ZNF528: variants seen among roughly 807,000 people sequenced by gnomAD.
The protein encoded by ZNF528 is zinc finger protein 528.
In ZNF528, 9 loss-of-function variants were observed where a neutral mutation model predicts 13.3. That is an observed-to-expected ratio of 0.67 (90% CI 0.41 to 1.18). The LOEUF (loss-of-function observed/expected upper bound fraction) is 1.18, where lower values mean the gene tolerates loss of function less well. ZNF528 is among the 50% of genes most tolerant of loss of function. ZNF528 has a pLI of 0.01. For synonymous variants in ZNF528, 264 were observed against 254.3 expected (o/e 1.04, Z -0.36); for missense variants, 858 against 745.4 (o/e 1.15, Z -1.76).
chr19:52,409,637 A>G (rs933071717), intron 6 of ZNF528, among the ~76,000 whole-genome samples: 5 of 151,948 alleles, frequency 3.3e-5, no homozygotes, highest in Admixed American at 1.3e-4. Flanking sequence ...GTTTATTTCA[A>G]TGTCCTTATG....
At position 52,415,418 on chromosome 19, in the gene ZNF528, A is replaced by G; in HGVS notation, c.566A>G (p.Asn189Ser). The change falls in exon 7 of 7, where the codon AAT becomes AGT. Residue 189 changes from asparagine (N) to serine (S), a missense_variant. By Grantham distance (46) the Asn-to-Ser change is conservative. Transcript: ENST00000360465. Reference sequence around the variant, plus strand: ...ATTAGGGAAAAAGCTTATAAATGTAATGAGCACGGCCAAGTCTTTAGAGCA... The same window carrying G: ...ATTAGGGAAAAAGCTTATAAATGTAGTGAGCACGGCCAAGTCTTTAGAGCA... The part of the protein sequence containing the change: ...AHIREKAYKC[N>S]EHGQVFRASA... The G allele has an allele frequency of 1.2e-6, 2 of 1,614,226 alleles. No homozygotes were observed. Among genetic ancestry groups the G allele is most frequent in the Non-Finnish European group, 1.7e-6 (2 of 1,180,044 alleles).
At chr19:52,403,253 G>A (rs1365844134) in intron 4 of ZNF528, among the ~76,000 whole-genome samples, 1 of 152,210 alleles carries the variant, frequency 6.6e-6, no homozygotes, top group Non-Finnish European at 1.5e-5. Context: ...ATCCTTTGAT[G>A]CCAGGAGTTC....
chr19:52,415,782 A>C lies in ZNF528; in HGVS notation c.930A>C (p.Ala310=). Residue 310 remains alanine (A), a synonymous_variant, in exon 7 of 7, where the codon GCA becomes GCC. Coordinates refer to ENST00000360465, the MANE Select transcript of ZNF528 (RefSeq NM_032423.3). The part of the protein sequence containing the change: ...HECDKVFNQI[A]HLVRHQKIHT... ...GTGACAAGGTCTTCAATCAAATTGC[A>C]CACCTTGTACGACATCAAAAAATTC... 6.2e-7 allele frequency: 1 copy of C among 1,614,066 alleles called. No individual in the cohort carries two copies. Among genetic ancestry groups the C allele is most frequent in the Non-Finnish European group, 8.5e-7 (1 of 1,180,022 alleles).
At position 52,404,955 on chromosome 19, in the gene ZNF528, C is replaced by A. The variant is rs113364183; in HGVS notation, c.16-952C>A. Among the ~76,000 whole-genome samples the A allele has an allele frequency of 5.7e-3, 867 of 151,852 alleles. 7 individuals carry two copies. Among genetic ancestry groups the A allele is most frequent in the African/African-American group, 0.02 (836 of 41,472 alleles). ...GGTTGGGGCCGGGCACAGTGGCTTA[C>A]GCCTGTAATCCCAGCACTTTAGGAG... On this transcript the variant is annotated intron_variant, in intron 4 of 6. Coordinates refer to ENST00000360465, the MANE Select transcript of ZNF528 (RefSeq NM_032423.3).
At chr19:52,403,684 CAGTG>C (rs927401164) in intron 4 of ZNF528, among the ~76,000 whole-genome samples, 6 of 130,690 alleles carry the variant, frequency 4.6e-5, no homozygotes, top group African/African-American at 1.4e-4. Context: ...AAAAAAAAGT[CAGTG>C]AGAGACAACT....
intron 6 of ZNF528, chr19:52,413,082 C>T (rs1266376516): frequency 1.3e-5 from 2 of 152,206 alleles, no homozygotes; most frequent in African/African-American, 4.8e-5. Context: ...AGAAATTGTG[C>T]ATAGGGCTCC....
At position 52,402,042 on chromosome 19, in the gene ZNF528, C is replaced by T; in HGVS notation, c.15+14C>T. 6.2e-7 allele frequency: 1 copy of T among 1,614,146 alleles called. No homozygotes were observed. The highest frequency in any genetic ancestry group is 8.5e-7 in the Non-Finnish European group (1 of 1,180,010). ...GCCCTTACTCAGGTAAGGTAATGTTCTCAGTGGATTGTTCTGTCTCTGTTT... is the reference window on the plus strand; with the variant it reads ...GCCCTTACTCAGGTAAGGTAATGTTTTCAGTGGATTGTTCTGTCTCTGTTT... On this transcript the variant is annotated intron_variant, in intron 4 of 6. Transcript: ENST00000360465.
At position 52,417,300 on chromosome 19, in the gene ZNF528, GA is replaced by G; in HGVS notation, c.*563del. The G allele has an allele frequency of 4.0e-6, 1 of 251,124 alleles. No homozygotes were observed. Among genetic ancestry groups the G allele is most frequent in the South Asian group, 4.5e-5 (1 of 22,036 alleles). 15.6% of individuals were successfully genotyped at this position (251,124 alleles called of 1,614,324 possible). A position where few individuals can be genotyped will look rare whatever the true frequency, so the allele number is the denominator to read the frequency against. On this transcript the variant is annotated 3_prime_UTR_variant, in exon 7 of 7. Transcript: ENST00000360465. ...GATTATTTCTATCCAATTTCCTGATGAAGGACATTGCCTTTTGAGATTAAAT... is the reference window on the plus strand; with the variant it reads ...GATTATTTCTATCCAATTTCCTGATGAGGACATTGCCTTTTGAGATTAAAT...
rs2058984021 is a variant in ZNF528 at position 52,415,191 on chromosome 19, T to A, written c.339T>A (p.Phe113Leu). ...GTAAAAATCAACTTGGATTCACTTT[T>A]CAGTTACATCTGAGTGATCTACAGC... Reference protein sequence around the residue: ...KPCKNQLGFTFQLHLSDLQLF... With the variant: ...KPCKNQLGFTLQLHLSDLQLF... The change falls in exon 7 of 7, where the codon TTT (phenylalanine) becomes TTA (leucine). Residue 113 changes from phenylalanine (F) to leucine (L), a missense_variant. Phe to Leu is a conservative substitution (Grantham distance 22). Coordinates refer to ENST00000360465, the MANE Select transcript of ZNF528 (RefSeq NM_032423.3). The A allele has an allele frequency of 6.2e-7, 1 of 1,612,434 alleles. No homozygotes were observed. The highest frequency in any genetic ancestry group is 8.5e-7 in the Non-Finnish European group (1 of 1,179,292).
rs1030777920 is a variant in ZNF528, at chr19:52,406,049, C to G, written c.142+16C>G. On this transcript the variant is annotated intron_variant, in intron 5 of 6. Coordinates refer to ENST00000360465, the MANE Select transcript of ZNF528 (RefSeq NM_032423.3). ...GTCTCCCTGGGTGAGGATAATGTCC[C>G]CTCAGAAGCCGGGATCTGCCCTGGT... The G allele has an allele frequency of 6.2e-7, 1 of 1,606,576 alleles. No homozygotes were observed. Among genetic ancestry groups the G allele is most frequent in the African/African-American group, 1.3e-5 (1 of 74,540 alleles).
At position 52,416,930 on chromosome 19, in the gene ZNF528, T is replaced by C; in HGVS notation, c.*191T>C. On this transcript the variant is annotated 3_prime_UTR_variant, in exon 7 of 7. Transcript: ENST00000360465. ...AAGCACACAGATGAATTGTGTGTAC[T>C]TGGGCTATTATTCAAGGACCATTGC... The C allele has an allele frequency of 3.4e-6, 2 of 591,914 alleles. No homozygotes were observed. Among genetic ancestry groups the C allele is most frequent in the Non-Finnish European group, 5.8e-6 (2 of 344,626 alleles). 36.7% of individuals were successfully genotyped at this position (591,914 alleles called of 1,614,324 possible). A position where few individuals can be genotyped will look rare whatever the true frequency, so the allele number is the denominator to read the frequency against.
At chr19:52,401,794 C>T in intron 3 of ZNF528, 41 bp downstream of exon 3, 3 of 1,454,684 alleles carry the variant, frequency 2.1e-6, no homozygotes, top group Non-Finnish European at 2.7e-6. Flanking sequence ...AAATTATTAA[C>T]ATCTGCTTGC....
In ZNF528 at chr19:52,415,696, T is replaced by C. The variant is rs1487344114; in HGVS notation, c.844T>C (p.Ser282Pro). The change falls in exon 7 of 7, where the codon TCA becomes CCA. Residue 282 changes from serine to proline, a missense_variant. Ser to Pro is a moderately conservative substitution (Grantham distance 74, BLOSUM62 -1). Coordinates refer to ENST00000360465, the MANE Select transcript of ZNF528 (RefSeq NM_032423.3). Reference sequence around the variant, plus strand: ...ATGTGACAAGGTCTTTCGAAGCAGTTCAAAGCTTGCACAACATCAAAGAAT... The same window carrying C: ...ATGTGACAAGGTCTTTCGAAGCAGTCCAAAGCTTGCACAACATCAAAGAAT... ...HECDKVFRSSSKLAQHQRIHT... is the reference protein window; with the variant it reads ...HECDKVFRSSPKLAQHQRIHT... 3.7e-6 allele frequency: 6 copies of C among 1,613,928 alleles called. No individual in the cohort carries two copies. The African/African-American group carries it at 6.7e-5, about 18-fold the overall frequency.
At chr19:52,411,207 G>A (rs370489186) in intron 6 of ZNF528, among the ~76,000 whole-genome samples, 19 of 152,168 alleles carry the variant, frequency 1.2e-4, no homozygotes, top group African/African-American at 4.3e-4. Flanking sequence ...GTGACATAAT[G>A]TAGGACTGTT....
intron 6 of ZNF528, chr19:52,413,174 T>C (rs917178966): frequency 6.6e-6 from 1 of 152,174 alleles, no homozygotes; most frequent in Non-Finnish European, 1.5e-5. Context: ...TTTAGCAGCC[T>C]GTGAACGCTG....
At chr19:52,400,513 GTTAT>G (rs1056534720) in intron 2 of ZNF528, among the ~76,000 whole-genome samples, 2 of 151,798 alleles carry the variant, frequency 1.3e-5, no homozygotes, top group African/African-American at 4.8e-5. Flanking sequence ...TCTAAATCTA[GTTAT>G]TTATTTATTC....
intron 2 of ZNF528, 111 bp from the exon 3 acceptor site, chr19:52,401,574 T>C: frequency 1.0e-6 from 1 of 966,804 alleles, no homozygotes; most frequent in Non-Finnish European, 1.4e-6. Flanking sequence ...CCCCCTTTCC[T>C]TTTCTGAGAG....
At chr19:52,401,883 G>A in intron 3 of ZNF528, 64 bp from the exon 4 acceptor site, 3 of 1,567,322 alleles carry the variant, frequency 1.9e-6, no homozygotes, top group South Asian at 1.2e-5. Flanking sequence ...CTTTGTGTGT[G>A]GCTATGGCAC....
intron 4 of ZNF528, among the ~76,000 whole-genome samples, chr19:52,404,740 G>T (rs1020098397): frequency 1.3e-5 from 2 of 151,786 alleles, no homozygotes; most frequent in African/African-American, 4.8e-5. Context: ...GGGATTACAG[G>T]CACTCACCAC....
Sources: gnomAD v4.1 joint callset for allele counts (sites outside exome capture counted in the v4.1 genomes callset) on GRCh38, gnomAD v4.1.1 for gene constraint, MANE v1.5 for transcripts, NCBI Gene and HGNC (gene_info 2026-07-23, HGNC 2026-07-21) for gene names.